DOT1L: variants seen among roughly 807,000 people sequenced by gnomAD.
The protein encoded by DOT1L is histone-lysine N-methyltransferase, H3 lysine-79 specific.
DOT1L carries 33 observed loss-of-function variants against 153.3 expected under a neutral mutation model. That is an observed-to-expected ratio of 0.22 (90% CI 0.16 to 0.29). The LOEUF (loss-of-function observed/expected upper bound fraction) is 0.29. DOT1L is among the 10% of genes least tolerant of loss of function. DOT1L has a pLI of 1.00. For synonymous variants in DOT1L, 1,135 were observed against 965.1 expected, an observed-to-expected ratio of 1.18 and a Z score of -3.26; for missense variants, 1,847 against 2,119.9, an observed-to-expected ratio of 0.87 and a Z score of 2.53.
intron 12 of DOT1L, 70 bp from the exon 13 acceptor site, chr19:2,210,330 G>A (rs1463162651): frequency 2.2e-5 from 29 of 1,344,906 alleles, no homozygotes; most frequent in African/African-American, 5.9e-5. Flanking sequence ...TGAGCTCCGC[G>A]TGCCTCTCGG....
intron 9 of DOT1L, among the ~76,000 whole-genome samples, chr19:2,205,207 G>C (rs936096443): frequency 6.6e-6 from 1 of 152,088 alleles, no homozygotes; most frequent in Non-Finnish European, 1.5e-5. Context: ...TCCTGACCTC[G>C]TGATCTCCCT....
At chr19:2,227,406 TG>T (rs1156496471) in intron 27 of DOT1L, 46 of 669,728 alleles carry the variant, frequency 6.9e-5, no homozygotes, top group Non-Finnish European at 5.6e-6. Context: ...CTTTCTCCCG[TG>T]GAGGTCACCT....
At position 2,222,660 on chromosome 19, in the gene DOT1L, G is replaced by T. The variant is rs904426189; in HGVS notation, c.3390+101G>T. The T allele has an allele frequency of 5.0e-6, 6 of 1,189,088 alleles. No individual in the cohort carries two copies. The highest frequency in any genetic ancestry group is 3.1e-5 in the African/African-American group (2 of 64,898). The allele number at this position is 1,189,088 out of a possible 1,614,324, so 73.7% of individuals were successfully genotyped here. A position where few individuals can be genotyped will look rare whatever the true frequency, so the allele number is the denominator to read the frequency against. The stretch of plus-strand genomic sequence containing the variant: ...TCACGCCTGTAATCCCAGCATTTTG[G>T]GAGGCCGAGGCGGGTGGATCACAAG... On this transcript the variant is annotated intron_variant, in intron 24 of 27. Coordinates refer to ENST00000398665, the MANE Select transcript of DOT1L (RefSeq NM_032482.3). This position sits in a 1 kb window ranked among gnomAD's most constrained non-coding sequence, Gnocchi z 6.5.
intron 27 of DOT1L, chr19:2,229,165 G>A (rs1369676464): frequency 2.0e-6 from 2 of 985,350 alleles, no homozygotes; most frequent in Non-Finnish European, 2.4e-6. Context: ...TGATTTTGAT[G>A]ATGTGAGGCC....
intron 13 of DOT1L, 27 bp from the exon 14 acceptor site, chr19:2,210,594 T>C (rs2144830451): frequency 6.2e-7 from 1 of 1,607,686 alleles, no homozygotes; most frequent in Non-Finnish European, 8.5e-7. Flanking sequence ...TCTGTGCCCA[T>C]CCCTGTTCTT....
intron 1 of DOT1L, among the ~76,000 whole-genome samples, chr19:2,169,857 T>A (rs1160429308): frequency 6.6e-6 from 1 of 151,764 alleles, no homozygotes; most frequent in Non-Finnish European, 1.5e-5. Context: ...AAAGTTTAAT[T>A]AAAAAAAACA....
At chr19:2,182,705 C>G (rs1420233035) in intron 2 of DOT1L, among the ~76,000 whole-genome samples, 2 of 152,108 alleles carry the variant, frequency 1.3e-5, no homozygotes, top group African/African-American at 4.8e-5. Flanking sequence ...TGCTCAGCAG[C>G]AGGGGAGCTG....
chr19:2,164,504 AC>A (rs1213533711), intron 1 of DOT1L: 29 of 300,188 alleles, frequency 9.7e-5, no homozygotes. Context: ...CCCGAGCCCT[AC>A]CGCGGTGCCG....
Position 2,173,534 on chromosome 19 carries a change from TC to T in DOT1L, c.82-7177del, listed in dbSNP as rs536330589. Among the ~76,000 whole-genome samples the T allele has an allele frequency of 4.7e-4, 72 of 152,184 alleles. 1 individual carries two copies. The South Asian group carries it at 5.6e-3, about 12-fold the overall frequency. On this transcript the variant is annotated intron_variant, in intron 1 of 27. Coordinates refer to ENST00000398665, the MANE Select transcript of DOT1L (RefSeq NM_032482.3). ...AGGGTGCCTGCTCTTCCTTAGCGCC[TC>T]CGTCTGTGAGAAACGGCCAGGGTTG... is the stretch of plus-strand genomic sequence containing the variant.
chr19:2,225,371 C>T lies in DOT1L; in HGVS notation c.3597-17C>T, dbSNP rs779927320. 6.2e-7 allele frequency: 1 copy of T among 1,612,972 alleles called. No individual in the cohort carries two copies. Among genetic ancestry groups the T allele is most frequent in the South Asian group, 1.1e-5 (1 of 91,064 alleles). On this transcript the variant is annotated splice_polypyrimidine_tract_variant and intron_variant, in intron 25 of 27. Transcript: ENST00000398665. ...GCAGCTGGGTTTCAAGCATTAATGA[C>T]CTTTTTTTCTTAACAGAATTGAGAG...
rs2024543836 is a variant in DOT1L, at chr19:2,230,303, C to CAA, written c.*512_*513insAA. ...CCCGTACCAAAGGCAGGCCCGTCGC[C>CAA]ACCACATTCCTCGGAGGCCTCCCCG... On this transcript the variant is annotated 3_prime_UTR_variant, in exon 28 of 28. Transcript: ENST00000398665. 2.4e-6 allele frequency: 1 copy of CAA among 416,350 alleles called. No individual in the cohort carries two copies. The highest frequency in any genetic ancestry group is 2.1e-5 in the African/African-American group (1 of 48,694). 25.8% of individuals were successfully genotyped at this position (416,350 alleles called of 1,614,324 possible). A position where few individuals can be genotyped will look rare whatever the true frequency, so the allele number is the denominator to read the frequency against.
Position 2,220,585 on chromosome 19 carries a change from G to T in DOT1L, c.2806+363G>T, listed in dbSNP as rs940825001. On this transcript the variant is annotated intron_variant, in intron 23 of 27. Coordinates refer to ENST00000398665, the MANE Select transcript of DOT1L (RefSeq NM_032482.3). This position sits in a 1 kb window ranked among gnomAD's most constrained non-coding sequence, Gnocchi z 4.5. ...CACACAGCAGTGCCCAATGGCACAC[G>T]ACCGTGGGCCTCCGTGCTGGTAGCG... is the stretch of plus-strand genomic sequence containing the variant. 4.3e-6 allele frequency: 2 copies of T among 462,340 alleles called. No homozygotes were observed. Among genetic ancestry groups the T allele is most frequent in the Admixed American group, 2.4e-5 (1 of 42,444 alleles). The allele number at this position is 462,340 out of a possible 1,614,324, so 28.6% of individuals were successfully genotyped here.
At chr19:2,219,979 C>A (rs985315455) in intron 22 of DOT1L, 129 bp from the exon 23 acceptor site, 3 of 754,384 alleles carry the variant, frequency 4.0e-6, no homozygotes, top group South Asian at 1.8e-5. Context: ...TCTTCCCACG[C>A]GGTACTGGAC....
Position 2,226,665 on chromosome 19 carries a change from G to T in DOT1L, c.4144G>T (p.Glu1382Ter). The change falls in exon 27 of 28, where the codon GAG becomes TAG. Residue 1382 changes from glutamate to a stop codon, truncating the protein, a stop_gained. Coordinates refer to ENST00000398665, the MANE Select transcript of DOT1L (RefSeq NM_032482.3). LOFTEE classifies it high-confidence loss of function. ...GGACGGCCTGGCTGGGCTGAAGGGC[G>T]AGGGCAGCCGCGGCAAGGAGGCAGG... is the stretch of plus-strand genomic sequence containing the variant. ...QLDGLAGLKGEGSRGKEAGEG... is the reference protein window; with the variant it reads ...QLDGLAGLKG 6.3e-7 allele frequency: 1 copy of T among 1,578,912 alleles called. No homozygotes were observed.
At chr19:2,164,896 C>T (rs2019850377) in intron 1 of DOT1L, among the ~76,000 whole-genome samples, 1 of 152,180 alleles carries the variant, frequency 6.6e-6, no homozygotes. Context: ...TGGTTGGGGA[C>T]AGGCTTTATT....
chr19:2,213,483 G>GT, intron 16 of DOT1L, 56 bp from the exon 17 acceptor site: 1 of 1,574,532 alleles, frequency 6.4e-7, no homozygotes, highest in Non-Finnish European at 8.7e-7. Context: ...GGCCCTCCCT[G>GT]TGGGCCCTCA....
At chr19:2,209,243 C>T (rs1036000249) in intron 12 of DOT1L, among the ~76,000 whole-genome samples, 11 of 152,168 alleles carry the variant, frequency 7.2e-5, no homozygotes, top group Non-Finnish European at 1.3e-4. Flanking sequence ...CTCTCTCTCT[C>T]CCCCACCCTC....
intron 8 of DOT1L, 144 bp from the exon 9 acceptor site, chr19:2,202,556 G>A (rs190577839): frequency 2.7e-6 from 2 of 748,024 alleles, no homozygotes; most frequent in Admixed American, 2.3e-5. Context: ...CACGGCGTGC[G>A]CTCAGCTGCG....
rs960128029 is a variant in DOT1L at position 2,213,742 on chromosome 19, C to G, written c.1659+102C>G. ...TTCCTGTGGCTTCCTGTCTATGCCT[C>G]TGTCCAGCTGTGTCCCAGGGGCTGG... is the stretch of plus-strand genomic sequence containing the variant. On this transcript the variant is annotated intron_variant, in intron 17 of 27. Transcript: ENST00000398665. The G allele has an allele frequency of 4.4e-6, 7 of 1,598,930 alleles. No individual in the cohort carries two copies. In the African/African-American group the frequency reaches 6.7e-5, roughly 15 times the overall value.
Sources: gnomAD v4.1 joint callset for allele counts (sites outside exome capture counted in the v4.1 genomes callset) on GRCh38, gnomAD v4.1.1 for gene constraint, Gnocchi (gnomAD v3.1) non-coding constraint, MANE v1.5 for transcripts, NCBI Gene and HGNC (gene_info 2026-07-23, HGNC 2026-07-21) for gene names.